BRINP2: variants seen among roughly 807,000 people sequenced by gnomAD.
The protein encoded by BRINP2 is BMP/retinoic acid inducible neural specific 2.
BRINP2 carries 21 observed loss-of-function variants against 69.2 expected under a neutral mutation model. The observed-to-expected ratio is 0.30, with a 90% CI of 0.22 to 0.44. BRINP2 has a LOEUF of 0.44. BRINP2 is among the 20% of genes least tolerant of loss of function. The probability of loss-of-function intolerance (pLI) is 1.00; values close to 1 mark genes in which losing one functional copy is unlikely to be tolerated. For missense variants in BRINP2, 877 were observed against 986.0 expected (o/e 0.89, Z 1.48); for synonymous variants, 380 against 394.1 (o/e 0.96, Z 0.42).
At chr1:177,192,096 G>C (rs903483770) in intron 1 of BRINP2, among the ~76,000 whole-genome samples, 10 of 152,126 alleles carry the variant, frequency 6.6e-5, no homozygotes, top group Admixed American at 1.3e-4. Context: ...TTTAAGTGTG[G>C]GATTCATGTT....
intron 2 of BRINP2, among the ~76,000 whole-genome samples, chr1:177,247,978 C>T (rs144849978): frequency 2.0e-5 from 3 of 152,266 alleles, no homozygotes; most frequent in African/African-American, 7.2e-5. Flanking sequence ...GCGGATAGAG[C>T]TGCATGCTTA....
intron 4 of BRINP2, among the ~76,000 whole-genome samples, chr1:177,269,374 G>C (rs1651234980): frequency 6.6e-6 from 1 of 152,244 alleles, no homozygotes; most frequent in South Asian, 2.1e-4. Context: ...GAAGGGATTA[G>C]AGCCACAAAG....
chr1:177,245,406 A>G (rs1650342865), intron 2 of BRINP2, among the ~76,000 whole-genome samples: 1 of 152,212 alleles, frequency 6.6e-6, no homozygotes, highest in African/African-American at 2.4e-5. Context: ...GCACCAAAAT[A>G]CCAGAGGGGC....
chr1:177,268,496 T>C (rs572796491), intron 4 of BRINP2, among the ~76,000 whole-genome samples: 1 of 152,232 alleles, frequency 6.6e-6, no homozygotes, highest in Non-Finnish European at 1.5e-5. Flanking sequence ...CCTAAGCAGA[T>C]GTACATTTAC....
intron 4 of BRINP2, among the ~76,000 whole-genome samples, chr1:177,266,488 G>A (rs777869838): frequency 4.6e-5 from 7 of 152,002 alleles, no homozygotes; most frequent in Non-Finnish European, 1.0e-4. Context: ...GGCTGGGCGC[G>A]GTGGCTCACG....
intron 2 of BRINP2, among the ~76,000 whole-genome samples, chr1:177,237,301 G>C (rs1650055857): frequency 6.6e-6 from 1 of 152,236 alleles, no homozygotes; most frequent in Non-Finnish European, 1.5e-5. Context: ...GGATACTACT[G>C]ATTTCTGGGA....
chr1:177,207,644 A>T (rs1440565700), intron 1 of BRINP2, among the ~76,000 whole-genome samples: 1 of 152,166 alleles, frequency 6.6e-6, no homozygotes, highest in East Asian at 1.9e-4. Context: ...TCTATGAAAC[A>T]AAGGGCCTTT....
chr1:177,258,173 C>T (rs548090817), intron 4 of BRINP2, among the ~76,000 whole-genome samples: 1 of 152,314 alleles, frequency 6.6e-6, no homozygotes, highest in South Asian at 2.1e-4. Flanking sequence ...TCTCTACTTA[C>T]ACCTAAGAGG....
chr1:177,185,038 G>T (rs60596527), intron 1 of BRINP2, among the ~76,000 whole-genome samples: 8 of 152,016 alleles, frequency 5.3e-5, no homozygotes, highest in Admixed American at 1.3e-4. Context: ...TATACAGACC[G>T]CATTTTGAGA....
At chr1:177,247,874 A>G (rs1650433174) in intron 2 of BRINP2, among the ~76,000 whole-genome samples, 1 of 152,214 alleles carries the variant, frequency 6.6e-6, no homozygotes, top group Admixed American at 6.5e-5. Flanking sequence ...CTGGAGTCTA[A>G]TGCAGGAGGA....
chr1:177,257,508 G>A (rs1410551350), intron 4 of BRINP2, 124 bp downstream of exon 4: 23 of 945,936 alleles, frequency 2.4e-5, no homozygotes, highest in Non-Finnish European at 3.4e-5. Flanking sequence ...GAAGCTTTCT[G>A]ATGAAGACAC....
chr1:177,264,204 C>T (rs549333373), intron 4 of BRINP2, among the ~76,000 whole-genome samples: 1 of 152,278 alleles, frequency 6.6e-6, no homozygotes, highest in South Asian at 2.1e-4. Flanking sequence ...TGTTCCTTGA[C>T]CTGACCAACT....
chr1:177,242,210 C>T (rs1346906258), intron 2 of BRINP2, among the ~76,000 whole-genome samples: 1 of 152,186 alleles, frequency 6.6e-6, no homozygotes. Context: ...GCTTCATTGT[C>T]TACCATTCGT....
intron 1 of BRINP2, among the ~76,000 whole-genome samples, chr1:177,212,668 AT>A (rs1649259941): frequency 6.6e-6 from 1 of 152,184 alleles, no homozygotes; most frequent in South Asian, 2.1e-4. Context: ...GGAACCTAGT[AT>A]GGTAAAGGTA....
chr1:177,251,267 C>T lies in BRINP2; in HGVS notation c.270-4652C>T, dbSNP rs372821071. Among the ~76,000 whole-genome samples the T allele has an allele frequency of 2.4e-4, 37 of 152,176 alleles. No individual in the cohort carries two copies. The South Asian group carries it at 4.8e-3, about 20-fold the overall frequency. The stretch of plus-strand genomic sequence containing the variant: ...GGCTTAATCCAGGAACATTTTGCTG[C>T]GGTGTAAATGTTATGCTATGTTTTG... On this transcript the variant is annotated intron_variant, in intron 2 of 7. Transcript: ENST00000361539.
chr1:177,269,143 A>ATACCTTTT (rs1181104883), intron 4 of BRINP2, among the ~76,000 whole-genome samples: 2 of 152,190 alleles, frequency 1.3e-5, no homozygotes. Context: ...AACCAAAGGG[A>ATACCTTTT]GAGTATACCT....
At chr1:177,268,454 G>T (rs1205128165) in intron 4 of BRINP2, among the ~76,000 whole-genome samples, 1 of 152,156 alleles carries the variant, frequency 6.6e-6, no homozygotes, top group Non-Finnish European at 1.5e-5. Flanking sequence ...TGGAGGAAAA[G>T]TTCCCCAGCA....
intron 2 of BRINP2, among the ~76,000 whole-genome samples, chr1:177,241,521 C>T (rs987551502): frequency 5.9e-5 from 9 of 152,300 alleles, no homozygotes; most frequent in Admixed American, 3.3e-4. Context: ...CCCCTCCTCT[C>T]GCATTCTCTT....
intron 7 of BRINP2, 74 bp downstream of exon 7, chr1:177,278,859 C>G (rs1165986331): frequency 6.2e-6 from 9 of 1,452,974 alleles, no homozygotes; most frequent in Non-Finnish European, 6.7e-6. Flanking sequence ...GGAGAACCCT[C>G]TGTCCAATGT....
Sources: gnomAD v4.1 joint callset for allele counts (sites outside exome capture counted in the v4.1 genomes callset) on GRCh38, gnomAD v4.1.1 for gene constraint, MANE v1.5 for transcripts, NCBI Gene and HGNC (gene_info 2026-07-23, HGNC 2026-07-21) for gene names.